ARHGAP26: variants seen among roughly 807,000 people sequenced by gnomAD.
ARHGAP26 encodes rho GTPase-activating protein 26.
In ARHGAP26, 38 loss-of-function variants were observed where a neutral mutation model predicts 104.8. The observed-to-expected ratio is 0.36, with a 90% CI of 0.28 to 0.48. The LOEUF is 0.48. Among genes scored for constraint, ARHGAP26 ranks in the 20% least tolerant of loss-of-function variants. The pLI is 0.99. For missense variants in ARHGAP26, 704 were observed against 947.9 expected (o/e 0.74, Z 3.38); for synonymous variants, 341 against 340.0 (o/e 1.00, Z -0.03).
At chr5:143,169,952 A>G (rs1802539200) in intron 20 of ARHGAP26, 1 of 152,134 alleles carries the variant, frequency 6.6e-6, no homozygotes, top group African/African-American at 2.4e-5. Context: ...TTCCTAGTTG[A>G]CTGACTGCCT....
chr5:143,047,116 T>A (rs1784349451), intron 14 of ARHGAP26, among the ~76,000 whole-genome samples: 1 of 152,210 alleles, frequency 6.6e-6, no homozygotes, highest in African/African-American at 2.4e-5. Flanking sequence ...TATAACTTTT[T>A]AATCAGTCCC....
intron 1 of ARHGAP26, among the ~76,000 whole-genome samples, chr5:142,801,684 C>T (rs1019995026): frequency 4.6e-5 from 7 of 151,586 alleles, no homozygotes; most frequent in African/African-American, 1.7e-4. Flanking sequence ...TGAAGAATTC[C>T]CACCCCTCCC....
chr5:143,227,570 C>T lies in ARHGAP26; in HGVS notation c.*5124C>T. 4.3e-6 allele frequency: 1 copy of T among 230,440 alleles called. No homozygotes were observed. Among genetic ancestry groups the T allele is most frequent in the Non-Finnish European group, 8.6e-6 (1 of 116,252 alleles). 14.3% of individuals were successfully genotyped at this position (230,440 alleles called of 1,614,324 possible). ...AATCTTGCACAGCCCCACAGCATGC[C>T]TGAGACAAGACTCCAACAAGTAATA... On this transcript the variant is annotated 3_prime_UTR_variant, in exon 23 of 23. Transcript: ENST00000645722.
intron 17 of ARHGAP26, among the ~76,000 whole-genome samples, chr5:143,061,666 A>T (rs939991258): frequency 2.9e-4 from 44 of 152,304 alleles, no homozygotes; most frequent in African/African-American, 1.0e-3. Context: ...AATGGCTTAA[A>T]CAATAAGGAG....
intron 14 of ARHGAP26, 25 bp downstream of exon 14, chr5:143,041,915 G>A (rs1297270685): frequency 6.4e-7 from 1 of 1,566,200 alleles, no homozygotes; most frequent in Admixed American, 1.9e-5. Context: ...GGCTCTGCTA[G>A]GCAGGTCCCT....
At chr5:143,014,554 A>T (rs1345380396) in intron 12 of ARHGAP26, among the ~76,000 whole-genome samples, 2 of 152,142 alleles carry the variant, frequency 1.3e-5, no homozygotes, top group African/African-American at 2.4e-5. Context: ...ATGTTAGGTG[A>T]TTTCTTAGTA....
chr5:142,852,354 C>T (rs547603467), intron 1 of ARHGAP26, among the ~76,000 whole-genome samples: 1 of 152,330 alleles, frequency 6.6e-6, no homozygotes, highest in African/African-American at 2.4e-5. Context: ...AATTGGCCCT[C>T]CTCACAGGCA....
chr5:142,869,401 A>G (rs535699383), intron 1 of ARHGAP26, among the ~76,000 whole-genome samples: 3 of 151,064 alleles, frequency 2.0e-5, no homozygotes, highest in South Asian at 2.1e-4. Flanking sequence ...TTGTATTTTT[A>G]GTAGAGATGA....
Position 142,775,496 on chromosome 5 carries a change from C to T in ARHGAP26, c.154+4581C>T, listed in dbSNP as rs78593726. ...TTGTTGTAAAATATACATAACACAA[C>T]GGTTACCACTTTAGTCATTTTTAAG... On this transcript the variant is annotated intron_variant, in intron 1 of 22. Coordinates refer to ENST00000645722, the MANE Select transcript of ARHGAP26 (RefSeq NM_001135608.3). 9.5e-3 allele frequency among the ~76,000 whole-genome samples: 1,440 copies of T among 152,236 alleles called. 18 individuals carry two copies. The highest frequency in any genetic ancestry group is 0.053 in the South Asian group (255 of 4,828).
intron 20 of ARHGAP26, among the ~76,000 whole-genome samples, chr5:143,149,640 C>T (rs545543822): frequency 3.9e-5 from 6 of 152,162 alleles, no homozygotes; most frequent in Admixed American, 1.3e-4. Flanking sequence ...AGACGTGCCA[C>T]GGTAACAATC....
At chr5:143,185,058 TGA>T (rs1804938886) in intron 20 of ARHGAP26, among the ~76,000 whole-genome samples, 4 of 152,124 alleles carry the variant, frequency 2.6e-5, no homozygotes, top group Non-Finnish European at 5.9e-5. Context: ...CCAACAATAC[TGA>T]TGGTTGGGTA....
chr5:142,944,486 G>A (rs1390783587), intron 11 of ARHGAP26, among the ~76,000 whole-genome samples: 7 of 152,162 alleles, frequency 4.6e-5, no homozygotes, highest in African/African-American at 1.2e-4. Context: ...GCACCAAATT[G>A]TGCTCCTTCC....
chr5:142,983,042 G>A (rs1177664906), intron 11 of ARHGAP26, among the ~76,000 whole-genome samples: 6 of 152,168 alleles, frequency 3.9e-5, no homozygotes, highest in Non-Finnish European at 5.9e-5. Flanking sequence ...TGCCCAGCCC[G>A]CCACAAGGGG....
chr5:143,077,727 A>T (rs1417199296), intron 17 of ARHGAP26, among the ~76,000 whole-genome samples: 1 of 152,198 alleles, frequency 6.6e-6, no homozygotes, highest in Non-Finnish European at 1.5e-5. Flanking sequence ...GAAATGTCTG[A>T]CTGTTGTGAG....
At chr5:143,137,868 G>C (rs1027699500) in intron 19 of ARHGAP26, among the ~76,000 whole-genome samples, 1 of 152,208 alleles carries the variant, frequency 6.6e-6, no homozygotes, top group Admixed American at 6.5e-5. Flanking sequence ...CTGTGCAAAA[G>C]TTGGAGCCCA....
At chr5:143,056,493 A>G (rs977170056) in intron 16 of ARHGAP26, among the ~76,000 whole-genome samples, 1 of 152,082 alleles carries the variant, frequency 6.6e-6, no homozygotes, top group African/African-American at 2.4e-5. Context: ...TGAGCATTGG[A>G]AATGTTTCCC....
intron 20 of ARHGAP26, among the ~76,000 whole-genome samples, chr5:143,195,075 C>A (rs981466379): frequency 1.3e-5 from 2 of 152,246 alleles, no homozygotes; most frequent in Admixed American, 1.3e-4. Flanking sequence ...AAGGCTGCTA[C>A]TCGCTTGGAG....
intron 6 of ARHGAP26, among the ~76,000 whole-genome samples, chr5:142,898,622 C>T (rs1219719014): frequency 2.0e-5 from 3 of 152,202 alleles, no homozygotes; most frequent in Non-Finnish European, 4.4e-5. Context: ...GTCTGATTCT[C>T]TCTCTCTCTC....
At chr5:143,083,356 T>TC (rs1398955337) in intron 17 of ARHGAP26, among the ~76,000 whole-genome samples, 1 of 152,194 alleles carries the variant, frequency 6.6e-6, no homozygotes, top group Non-Finnish European at 1.5e-5. Flanking sequence ...CCCCCTTTGC[T>TC]CCACTCAGGC....
Sources: gnomAD v4.1 joint callset for allele counts (sites outside exome capture counted in the v4.1 genomes callset) on GRCh38, gnomAD v4.1.1 for gene constraint, MANE v1.5 for transcripts, NCBI Gene and HGNC (gene_info 2026-07-23, HGNC 2026-07-21) for gene names.